Variants in CSMD1 observed in about 807,000 individuals in gnomAD.
CSMD1 encodes CUB and sushi domain-containing protein 1.
CSMD1 carries 213 observed loss-of-function variants against 417.5 expected under a neutral mutation model. The ratio of observed to expected loss-of-function variants is 0.51; its 90% confidence interval spans 0.46 to 0.57. The LOEUF is 0.57. Ranked by LOEUF, CSMD1 falls within the 20% of genes least tolerant of loss-of-function variation. The pLI, the probability that CSMD1 is intolerant of heterozygous loss-of-function variation, is 0.00. For synonymous variants in CSMD1, 2,862 were observed against 1,736.8 expected (o/e 1.65, Z -16.11); for missense variants, 6,923 against 4,529.7 (o/e 1.53, Z -15.17).
chr8:3,272,916 C>T (rs991475269), intron 26 of CSMD1, among the ~76,000 whole-genome samples: 2 of 148,698 alleles, frequency 1.3e-5, no homozygotes, highest in Non-Finnish European at 3.0e-5. Context: ...AATTGAATAC[C>T]CTTTATTTCC....
At chr8:4,254,189 C>A (rs183523266) in intron 3 of CSMD1, among the ~76,000 whole-genome samples, 1 of 152,166 alleles carries the variant, frequency 6.6e-6, no homozygotes, top group East Asian at 1.9e-4. Flanking sequence ...AGTGATGGGA[C>A]TGCAGGTGTG....
chr8:3,908,663 C>T (rs1470624245), intron 5 of CSMD1, among the ~76,000 whole-genome samples: 1 of 152,088 alleles, frequency 6.6e-6, no homozygotes. Context: ...TCTGCAGGGC[C>T]TACTCCAATA....
rs542555316 is a variant in CSMD1 at position 2,969,461 on chromosome 8, G to A, written c.8924-2715C>T. 3.3e-5 allele frequency among the ~76,000 whole-genome samples: 5 copies of A among 152,226 alleles called. No individual in the cohort carries two copies. The South Asian group carries it at 1.0e-3, about 32-fold the overall frequency. On this transcript the variant is annotated intron_variant, in intron 57 of 69. Coordinates refer to ENST00000635120, the MANE Select transcript of CSMD1 (RefSeq NM_033225.6). ...AAAGCAAATTTGATTTAATGTGAAG[G>A]AAATATATCTGCAATATAAATTCTT...
intron 3 of CSMD1, among the ~76,000 whole-genome samples, chr8:4,172,720 A>G (rs1326899636): frequency 6.6e-6 from 1 of 152,240 alleles, no homozygotes; most frequent in East Asian, 1.9e-4. Context: ...ACAGGATATC[A>G]CTTGACATTA....
intron 40 of CSMD1, among the ~76,000 whole-genome samples, chr8:3,148,380 G>A (rs1340961980): frequency 1.3e-5 from 2 of 152,162 alleles, no homozygotes; most frequent in African/African-American, 4.8e-5. Flanking sequence ...ACAAGAATAA[G>A]GCAAGGTTCA....
At chr8:3,381,518 A>G (rs1024014140) in intron 18 of CSMD1, among the ~76,000 whole-genome samples, 3 of 152,180 alleles carry the variant, frequency 2.0e-5, no homozygotes, top group Non-Finnish European at 4.4e-5. Context: ...AAACTTGAAT[A>G]TTTTAAGGGT....
At chr8:4,562,344 G>A (rs1249775379) in intron 2 of CSMD1, among the ~76,000 whole-genome samples, 4 of 152,160 alleles carry the variant, frequency 2.6e-5, no homozygotes, top group Non-Finnish European at 5.9e-5. Context: ...AATGGGAAAT[G>A]GAAGAAGTGG....
chr8:3,840,717 A>G (rs530707414), intron 5 of CSMD1, among the ~76,000 whole-genome samples: 37 of 143,110 alleles, frequency 2.6e-4, no homozygotes, highest in Middle Eastern at 3.5e-3. Context: ...TTTGACACGG[A>G]ATCTATCTGG....
At chr8:4,250,192 C>A (rs1378563501) in intron 3 of CSMD1, among the ~76,000 whole-genome samples, 1 of 152,262 alleles carries the variant, frequency 6.6e-6, no homozygotes, top group South Asian at 2.1e-4. Context: ...CTTTTCTTTA[C>A]AAAGTACCTG....
intron 3 of CSMD1, among the ~76,000 whole-genome samples, chr8:4,209,521 A>G (rs1800180352): frequency 6.6e-6 from 1 of 152,150 alleles, no homozygotes; most frequent in Non-Finnish European, 1.5e-5. Context: ...CTCTCTGGGA[A>G]ACAGGAGCCG....
rs370529448 is a variant in CSMD1, at chr8:2,974,539, G to T, written c.8652C>A (p.Ser2884=). ...LFTYGAVVHY[S]CRGSESLIGN... ...CTATGAGGCTCTCGCTCCCTCTGCA[G>T]GAGTAGTGCACGACGGCGCCATAGG... is the stretch of plus-strand genomic sequence containing the variant. Residue 2884 remains serine, a synonymous_variant, in exon 56 of 70, where the codon TCC becomes TCA. Transcript: ENST00000635120. The T allele has an allele frequency of 2.5e-6, 4 of 1,613,430 alleles. No homozygotes were observed. The African/African-American group carries it at 5.3e-5, about 22-fold the overall frequency.
chr8:4,189,832 A>C (rs1584989332), intron 3 of CSMD1, among the ~76,000 whole-genome samples: 1 of 152,198 alleles, frequency 6.6e-6, no homozygotes. Flanking sequence ...TTCAAAGAGC[A>C]CAGCTTTTTA....
intron 8 of CSMD1, among the ~76,000 whole-genome samples, chr8:3,609,241 C>A (rs542337910): frequency 7.0e-4 from 106 of 152,310 alleles, no homozygotes; most frequent in African/African-American, 2.4e-3. Context: ...CACAGAAAGA[C>A]AGATGAACAA....
chr8:4,790,817 T>C (rs1162049075), intron 1 of CSMD1, among the ~76,000 whole-genome samples: 1 of 152,098 alleles, frequency 6.6e-6, no homozygotes, highest in East Asian at 1.9e-4. Context: ...CCTTTCACCA[T>C]ATAAGAAAAT....
chr8:4,444,526 G>T (rs986912627), intron 2 of CSMD1, among the ~76,000 whole-genome samples: 1 of 151,820 alleles, frequency 6.6e-6, no homozygotes, highest in Non-Finnish European at 1.5e-5. Context: ...TTTTAGCCAC[G>T]GAGAACAATA....
intron 3 of CSMD1, among the ~76,000 whole-genome samples, chr8:4,270,947 G>T (rs919267939): frequency 1.3e-5 from 2 of 152,086 alleles, no homozygotes; most frequent in Non-Finnish European, 2.9e-5. Context: ...AGAGAGAGAG[G>T]GAGCACTTTA....
At chr8:3,741,174 A>T (rs1258728227) in intron 6 of CSMD1, among the ~76,000 whole-genome samples, 4 of 136,588 alleles carry the variant, frequency 2.9e-5, no homozygotes, top group Non-Finnish European at 4.6e-5. Context: ...AGATCGTGCT[A>T]TTGCAGTCCA....
At chr8:4,046,451 T>G (rs537958070) in intron 3 of CSMD1, among the ~76,000 whole-genome samples, 9 of 152,332 alleles carry the variant, frequency 5.9e-5, no homozygotes, top group Non-Finnish European at 7.4e-5. Context: ...TGAATTCACA[T>G]AAACAGCTCA....
intron 3 of CSMD1, among the ~76,000 whole-genome samples, chr8:4,246,917 ATCTT>A (rs1422484381): frequency 2.6e-5 from 4 of 152,230 alleles, no homozygotes; most frequent in Non-Finnish European, 4.4e-5. Context: ...TCTTCAAAAA[ATCTT>A]TGTAAGAGAG....
Sources: allele counts gnomAD v4.1 joint callset (sites outside exome capture counted in the v4.1 genomes callset), GRCh38; gene constraint gnomAD v4.1.1; transcripts MANE v1.5; gene names NCBI Gene and HGNC (gene_info 2026-07-23, HGNC 2026-07-21).